ELN: variants seen among roughly 807,000 people sequenced by gnomAD.
ELN encodes tropoelastin.
A neutral mutation model predicts 105.8 loss-of-function variants in ELN; 65 were observed. The observed-to-expected ratio is 0.61, with a 90% confidence interval of 0.50 to 0.75. The LOEUF is 0.75. Among genes scored for constraint, ELN ranks in the 30% least tolerant of loss-of-function variants. The pLI, the probability that ELN is intolerant of heterozygous loss-of-function variation, is 0.00. For missense variants in ELN, 882 were observed against 969.4 expected (o/e 0.91, Z 1.20); for synonymous variants, 368 against 389.2 (o/e 0.95, Z 0.64).
intron 32 of ELN, among the ~76,000 whole-genome samples, chr7:74,067,319 G>A (rs1334504052): frequency 6.6e-6 from 1 of 152,006 alleles, no homozygotes; most frequent in African/African-American, 2.4e-5. Flanking sequence ...CCAGGCTGGA[G>A]TGCAGTGGCA....
Position 74,056,256 on chromosome 7 carries a change from C to T in ELN, c.1151-15C>T. The T allele has an allele frequency of 6.2e-7, 1 of 1,614,232 alleles. No individual in the cohort carries two copies. The highest frequency in any genetic ancestry group is 8.5e-7 in the Non-Finnish European group (1 of 1,180,050). On this transcript the variant is annotated splice_polypyrimidine_tract_variant and intron_variant, in intron 19 of 32. Coordinates refer to ENST00000252034, the MANE Select transcript of ELN (RefSeq NM_000501.4). Reference sequence around the variant, plus strand: ...CACTGAGCTTCTTTTCTACTTGGCTCCCTTCCCTCTGCAGGGGCCAGGCCC... The same window carrying T: ...CACTGAGCTTCTTTTCTACTTGGCTTCCTTCCCTCTGCAGGGGCCAGGCCC...
At chr7:74,043,280 G>T (rs955654100) in intron 8 of ELN, 112 bp downstream of exon 8, 17 of 1,473,706 alleles carry the variant, frequency 1.2e-5, no homozygotes, top group Middle Eastern at 2.3e-4. Context: ...GCAGGGCCTG[G>T]CTTCAGTCGG....
chr7:74,037,681 T>C (rs782406469), intron 3 of ELN, 26 bp from the exon 4 acceptor site: 1 of 1,609,738 alleles, frequency 6.2e-7, no homozygotes, highest in South Asian at 1.1e-5. Context: ...GGCCACCCCA[T>C]TCACTATCTT....
chr7:74,056,777 C>T, intron 21 of ELN, 64 bp downstream of exon 21: 1 of 1,609,344 alleles, frequency 6.2e-7, no homozygotes, highest in Non-Finnish European at 8.5e-7. Context: ...GGTCCAACCT[C>T]AGGGCAAACT....
intron 25 of ELN, among the ~76,000 whole-genome samples, chr7:74,060,843 GTTC>G (rs1213501710): frequency 6.6e-6 from 1 of 152,208 alleles, no homozygotes; most frequent in Non-Finnish European, 1.5e-5. Flanking sequence ...AGGAACTCCA[GTTC>G]TTCACCAGCT....
In ELN at chr7:74,068,044, A is replaced by C. The variant is rs141287071; in HGVS notation, c.2132-613A>C. On this transcript the variant is annotated intron_variant, in intron 32 of 32. Transcript: ENST00000252034. Reference sequence around the variant, plus strand: ...GTAAGGAGCCATATCTGGCTCAAGCAGGGTTAGGAACTGCTCCGGGCCGCG... The same window carrying C: ...GTAAGGAGCCATATCTGGCTCAAGCCGGGTTAGGAACTGCTCCGGGCCGCG... 7.7e-3 allele frequency among the ~76,000 whole-genome samples: 1,165 copies of C among 151,510 alleles called. 13 individuals are homozygous for C. The highest frequency in any genetic ancestry group is 0.012 in the Non-Finnish European group (788 of 67,918).
chr7:74,030,805 G>A (rs1290631381), intron 1 of ELN, among the ~76,000 whole-genome samples: 16 of 152,126 alleles, frequency 1.1e-4, no homozygotes, highest in African/African-American at 3.4e-4. Flanking sequence ...TTTGGTTGGA[G>A]AGGGACCTGG....
chr7:74,059,930 C>A lies in ELN; in HGVS notation c.1459C>A (p.Pro487Thr). 6.3e-7 allele frequency: 1 copy of A among 1,594,432 alleles called. No individual in the cohort carries two copies. The highest frequency in any genetic ancestry group is 1.7e-4 in the Middle Eastern group (1 of 6,016). The change falls in exon 23 of 33, where the codon CCT becomes ACT. Residue 487 changes from proline to threonine, a missense_variant. Physicochemically the swap from Pro to Thr is conservative, Grantham distance 38. Transcript: ENST00000252034. ...CGTGGCTCCTGGAGTTGGCGTGGCT[C>A]CTGGTGTCGGTGTGGCTCCTGGAGT... is the stretch of plus-strand genomic sequence containing the variant. ...VGVAPGVGVA[P>T]GVGVAPGVGL...
At chr7:74,053,609 G>C (rs1794600635) in intron 18 of ELN, among the ~76,000 whole-genome samples, 1 of 152,042 alleles carries the variant, frequency 6.6e-6, no homozygotes, top group African/African-American at 2.4e-5. Context: ...TAGGTGTTCA[G>C]TTTATGGTGG....
chr7:74,065,616 GAAAAAAA>G, intron 29 of ELN, 71 bp from the exon 30 acceptor site: 1 of 1,278,444 alleles, frequency 7.8e-7, no homozygotes. Flanking sequence ...TCTGCCTCAA[GAAAAAAA>G]AAAAAAAAAA....
At chr7:74,057,272 G>A (rs1795455108) in intron 21 of ELN, 1 of 834,228 alleles carries the variant, frequency 1.2e-6, no homozygotes, top group Non-Finnish European at 1.7e-6. Flanking sequence ...AAAAAGAATT[G>A]AAGGTGCCAG....
At chr7:74,064,664 C>T (rs1797563953) in intron 29 of ELN, among the ~76,000 whole-genome samples, 1 of 152,078 alleles carries the variant, frequency 6.6e-6, no homozygotes, top group African/African-American at 2.4e-5. Flanking sequence ...TGGGGCTATC[C>T]CTTGCCGCCA....
chr7:74,061,142 G>C lies in ELN; in HGVS notation c.1786+3G>C. 6.2e-7 allele frequency: 1 copy of C among 1,614,120 alleles called. No individual in the cohort carries two copies. The highest frequency in any genetic ancestry group is 8.5e-7 in the Non-Finnish European group (1 of 1,180,038). ...TGCCGCTAAAGCAGCCAAATATGGTGAGTGCACCCCACAACCACTTGTGGC... is the reference window on the plus strand; with the variant it reads ...TGCCGCTAAAGCAGCCAAATATGGTCAGTGCACCCCACAACCACTTGTGGC... On this transcript the variant is annotated splice_donor_region_variant and intron_variant, in intron 26 of 32. Transcript: ENST00000252034.
Position 74,069,771 on chromosome 7 carries a change from G to A in ELN, c.*1071G>A, listed in dbSNP as rs1798675420. The stretch of plus-strand genomic sequence containing the variant: ...AAAGATAATTTTTTTTTCTGATCCG[G>A]GGAGCTGTATCCCCAGTAGAAAAAA... On this transcript the variant is annotated 3_prime_UTR_variant, in exon 33 of 33. Transcript: ENST00000252034. 8.9e-6 allele frequency: 2 copies of A among 225,270 alleles called. No homozygotes were observed. Among genetic ancestry groups the A allele is most frequent in the East Asian group, 1.3e-4 (2 of 15,722 alleles). 14.0% of individuals were successfully genotyped at this position (225,270 alleles called of 1,614,324 possible). A position where few individuals can be genotyped will look rare whatever the true frequency, so the allele number is the denominator to read the frequency against.
Position 74,046,052 on chromosome 7 carries a change from A to G in ELN, c.542-136A>G, listed in dbSNP as rs1554671887. ...CTCCATCTCCGAAAAAAGAAACCCC[A>G]GAGTTCATGTGAGCGCAGCATGCGA... On this transcript the variant is annotated intron_variant, in intron 10 of 32. Coordinates refer to ENST00000252034, the MANE Select transcript of ELN (RefSeq NM_000501.4). 4.8e-6 allele frequency: 6 copies of G among 1,242,802 alleles called. No individual in the cohort carries two copies. In the East Asian group the frequency reaches 1.4e-4, roughly 29 times the overall value. The allele number at this position is 1,242,802 out of a possible 1,614,324, so 77.0% of individuals were successfully genotyped here. A position where few individuals can be genotyped will look rare whatever the true frequency, so the allele number is the denominator to read the frequency against.
chr7:74,069,520 G>C lies in ELN; in HGVS notation c.*820G>C, dbSNP rs1043281341. On this transcript the variant is annotated 3_prime_UTR_variant, in exon 33 of 33. Transcript: ENST00000252034. ...GGGGCTGTGCAGACTGGGGTGCCAGGCATCTCCTCCCCACCCGGGGTGTCC... is the reference window on the plus strand; with the variant it reads ...GGGGCTGTGCAGACTGGGGTGCCAGCCATCTCCTCCCCACCCGGGGTGTCC... 7 of 233,554 alleles carry C rather than the reference G, an allele frequency of 3.0e-5. 1 individual carries two copies. The highest frequency in any genetic ancestry group is 1.5e-4 in the African/African-American group (7 of 45,170). The allele number at this position is 233,554 out of a possible 1,614,324, so 14.5% of individuals were successfully genotyped here. A position where few individuals can be genotyped will look rare whatever the true frequency, so the allele number is the denominator to read the frequency against.
At chr7:74,029,364 G>A (rs1554660920) in intron 1 of ELN, among the ~76,000 whole-genome samples, 1 of 152,144 alleles carries the variant, frequency 6.6e-6, no homozygotes, top group Non-Finnish European at 1.5e-5. Context: ...AGGCACAGTT[G>A]GTTATGGGGT....
intron 15 of ELN, among the ~76,000 whole-genome samples, chr7:74,049,247 C>T (rs1323524811): frequency 2.0e-5 from 3 of 151,756 alleles, no homozygotes; most frequent in Non-Finnish European, 4.4e-5. Context: ...TCCATGCAGC[C>T]ATCTATCCAT....
intron 32 of ELN, 77 bp downstream of exon 32, chr7:74,066,853 T>C: frequency 1.3e-6 from 2 of 1,519,380 alleles, no homozygotes; most frequent in Non-Finnish European, 1.8e-6. Flanking sequence ...TGCCATCTCC[T>C]GCTCAGAAGG....
Sources: gnomAD v4.1 joint callset for allele counts (sites outside exome capture counted in the v4.1 genomes callset) on GRCh38, gnomAD v4.1.1 for gene constraint, MANE v1.5 for transcripts, NCBI Gene and HGNC (gene_info 2026-07-23, HGNC 2026-07-21) for gene names.